Variants in CNGA3 observed in about 807,000 individuals in gnomAD.
CNGA3 encodes the protein cyclic nucleotide gated channel subunit alpha 3, also known as cyclic nucleotide-gated channel alpha-3.
CNGA3 carries 42 observed loss-of-function variants against 46.6 expected under a neutral mutation model. That is an observed-to-expected ratio of 0.90 (90% CI 0.70 to 1.17). The LOEUF (loss-of-function observed/expected upper bound fraction) is 1.17, where lower values mean the gene tolerates loss of function less well. Ranked by LOEUF, CNGA3 falls within the 50% of genes most tolerant of loss-of-function variation. The pLI is 0.00. For synonymous variants in CNGA3, 394 were observed against 369.4 expected (o/e 1.07, Z -0.76); for missense variants, 893 against 890.7 (o/e 1.00, Z -0.03).
intron 1 of CNGA3, 35 bp from the exon 2 acceptor site, chr2:98,369,904 C>T (rs1692246191): frequency 7.3e-7 from 1 of 1,365,734 alleles, no homozygotes. Flanking sequence ...ACTTTCCTGT[C>T]CTGATGACGT....
At chr2:98,388,262 A>G (rs1017480694) in intron 5 of CNGA3, among the ~76,000 whole-genome samples, 2 of 152,170 alleles carry the variant, frequency 1.3e-5, no homozygotes, top group Non-Finnish European at 2.9e-5. Context: ...CCCCGGCATC[A>G]TCCAGCAGCA....
intron 2 of CNGA3, among the ~76,000 whole-genome samples, chr2:98,374,316 A>C (rs1692357025): frequency 6.6e-6 from 1 of 152,170 alleles, no homozygotes; most frequent in Non-Finnish European, 1.5e-5. Context: ...TCTCCATTCT[A>C]CTAGTTGTTC....
chr2:98,361,838 G>C (rs1035237458), intron 1 of CNGA3, among the ~76,000 whole-genome samples: 1 of 151,342 alleles, frequency 6.6e-6, no homozygotes, highest in African/African-American at 2.4e-5. Context: ...CTCCAGAGTA[G>C]CTGGGACTAC....
At chr2:98,368,559 C>A (rs1274912388) in intron 1 of CNGA3, among the ~76,000 whole-genome samples, 3 of 152,232 alleles carry the variant, frequency 2.0e-5, no homozygotes. Flanking sequence ...AGAAAATGTT[C>A]ATGACCTGAT....
At chr2:98,346,692 C>T (rs1183311343) in intron 1 of CNGA3, among the ~76,000 whole-genome samples, 158 bp downstream of exon 1, 1 of 151,958 alleles carries the variant, frequency 6.6e-6, no homozygotes, top group Non-Finnish European at 1.5e-5. Flanking sequence ...CCGCAGCCCC[C>T]GGTGCTGAAA....
chr2:98,350,114 G>A (rs891702215), intron 1 of CNGA3, among the ~76,000 whole-genome samples: 1 of 152,240 alleles, frequency 6.6e-6, no homozygotes, highest in Admixed American at 6.5e-5. Context: ...CTAATACAGT[G>A]TAGGGGTTAA....
At chr2:98,395,793 C>CA (rs544272420) in intron 7 of CNGA3, 51 bp from the exon 8 acceptor site, 51 of 1,524,868 alleles carry the variant, frequency 3.3e-5, no homozygotes, top group Non-Finnish European at 2.9e-5. Context: ...GTACTATGGT[C>CA]AAAAAAAGTC....
chr2:98,351,100 C>T (rs1691759364), intron 1 of CNGA3: 1 of 152,208 alleles, frequency 6.6e-6, no homozygotes, highest in Non-Finnish European at 1.5e-5. Flanking sequence ...TGGGACCTTT[C>T]TTGGGCAGAT....
chr2:98,349,110 T>C (rs60924437), intron 1 of CNGA3, among the ~76,000 whole-genome samples: 67,141 of 151,988 alleles, frequency 0.44, 15,230 homozygotes, highest in Non-Finnish European at 0.5. Context: ...CCTTTGCTTA[T>C]GCAATGTCTG....
chr2:98,369,265 T>C (rs1444369544), intron 1 of CNGA3, among the ~76,000 whole-genome samples: 2 of 152,242 alleles, frequency 1.3e-5, no homozygotes, highest in Non-Finnish European at 2.9e-5. Flanking sequence ...TTTTCTTAGT[T>C]ACAATTTTTC....
chr2:98,395,875 T>C lies in CNGA3; in HGVS notation c.705T>C (p.Asp235=). 6.2e-7 allele frequency: 1 copy of C among 1,614,228 alleles called. No homozygotes were observed. The highest frequency in any genetic ancestry group is 8.5e-7 in the Non-Finnish European group (1 of 1,180,044). Residue 235 remains aspartate, a synonymous_variant, in exon 8 of 8, where the codon GAT becomes GAC. Transcript: ENST00000272602. ...TCGAGCAAGGCTTAATGGTCAGTGATACCAACAGGCTGTGGCAGCATTACA... is the reference window on the plus strand; with the variant it reads ...TCGAGCAAGGCTTAATGGTCAGTGACACCAACAGGCTGTGGCAGCATTACA... ...GFLEQGLMVS[D]TNRLWQHYKT...
intron 2 of CNGA3, among the ~76,000 whole-genome samples, chr2:98,374,254 C>T (rs1426716873): frequency 1.3e-5 from 2 of 152,216 alleles, no homozygotes; most frequent in Non-Finnish European, 2.9e-5. Flanking sequence ...TGCAAATAAA[C>T]GTAGAACTTG....
intron 1 of CNGA3, chr2:98,355,706 T>C (rs988430402): frequency 6.6e-6 from 1 of 152,218 alleles, no homozygotes; most frequent in African/African-American, 2.4e-5. Flanking sequence ...TACTTTTAAA[T>C]AAAATACAAT....
intron 1 of CNGA3, among the ~76,000 whole-genome samples, chr2:98,347,452 C>T (rs1018002407): frequency 6.6e-6 from 1 of 152,184 alleles, no homozygotes; most frequent in Non-Finnish European, 1.5e-5. Context: ...CCCGCAACCC[C>T]GGGCCGGGTG....
intron 7 of CNGA3, 54 bp from the exon 8 acceptor site, chr2:98,395,790 G>A: frequency 1.4e-6 from 2 of 1,471,296 alleles, no homozygotes; most frequent in African/African-American, 1.4e-5. Context: ...TTTGTACTAT[G>A]GTCAAAAAAA....
At chr2:98,393,817 T>C (rs1692846561) in intron 7 of CNGA3, among the ~76,000 whole-genome samples, 1 of 151,764 alleles carries the variant, frequency 6.6e-6, no homozygotes, top group Non-Finnish European at 1.5e-5. Flanking sequence ...ATCATTAGAA[T>C]TGAGAGAAGA....
At position 98,396,114 on chromosome 2, in the gene CNGA3, A is replaced by T. The variant is rs745785813; in HGVS notation, c.944A>T (p.His315Leu). 5.6e-6 allele frequency: 9 copies of T among 1,614,088 alleles called. No individual in the cohort carries two copies. Among genetic ancestry groups the T allele is most frequent in the Non-Finnish European group, 7.6e-6 (9 of 1,180,018 alleles). Residue 315 changes from histidine (H) to leucine (L), a missense_variant, in exon 8 of 8, where the codon CAC becomes CTC. By Grantham distance (99) the His-to-Leu change is moderately conservative (BLOSUM62 -3). Coordinates refer to ENST00000272602, the MANE Select transcript of CNGA3 (RefSeq NM_001298.3). ...NLVLYILIII[H>L]WNACIYFAIS... ...GTCTTGTACATTCTCATCATCATCC[A>T]CTGGAATGCCTGCATCTACTTTGCC...
At chr2:98,380,469 A>G (rs924127251) in intron 4 of CNGA3, 115 bp downstream of exon 4, 1 of 1,291,294 alleles carries the variant, frequency 7.7e-7, no homozygotes. Flanking sequence ...CGTCATCCCC[A>G]TGAGCTGTTC....
rs1305488580 is a variant in CNGA3, at chr2:98,397,511, G to A, written c.*256G>A. On this transcript the variant is annotated 3_prime_UTR_variant, in exon 8 of 8. Coordinates refer to ENST00000272602, the MANE Select transcript of CNGA3 (RefSeq NM_001298.3). ...CAGGCAGGGCTTTGCAAAGTGCAAG[G>A]TATCCCCAGTCCAAGTATATGAAAA... The A allele has an allele frequency of 1.8e-6, 1 of 553,372 alleles. No individual in the cohort carries two copies. The highest frequency in any genetic ancestry group is 3.2e-6 in the Non-Finnish European group (1 of 308,658). 34.3% of individuals were successfully genotyped at this position (553,372 alleles called of 1,614,324 possible).
Sources: allele counts gnomAD v4.1 joint callset (sites outside exome capture counted in the v4.1 genomes callset), GRCh38; gene constraint gnomAD v4.1.1; transcripts MANE v1.5; gene names NCBI Gene and HGNC (gene_info 2026-07-23, HGNC 2026-07-21).